Variants in IQSEC1 observed in about 807,000 individuals in gnomAD.
IQSEC1 encodes IQ motif and Sec7 domain ArfGEF 1, also known as IQ motif and SEC7 domain-containing protein 1.
Under a neutral mutation model 91.0 loss-of-function variants are expected in IQSEC1, and 31 were observed. That is an observed-to-expected ratio of 0.34 (90% confidence interval 0.26 to 0.46). IQSEC1 has a LOEUF of 0.46. Ranked by LOEUF, IQSEC1 falls within the 20% of genes least tolerant of loss-of-function variation. The probability of loss-of-function intolerance (pLI) is 1.00; values close to 1 mark genes in which losing one functional copy is unlikely to be tolerated. For missense variants in IQSEC1, 1,388 were observed against 1,575.6 expected (o/e 0.88, Z 2.02); for synonymous variants, 699 against 662.6 (o/e 1.05, Z -0.84).
intron 1 of IQSEC1, among the ~76,000 whole-genome samples, chr3:13,164,141 G>A (rs906590185): frequency 4.6e-5 from 7 of 152,174 alleles, no homozygotes; most frequent in Non-Finnish European, 7.3e-5. Context: ...GACCTGCAAC[G>A]AGAAGAGCAC....
intron 1 of IQSEC1, among the ~76,000 whole-genome samples, chr3:13,209,100 CT>C (rs1223594021): frequency 2.0e-5 from 3 of 152,218 alleles, no homozygotes; most frequent in Non-Finnish European, 4.4e-5. Flanking sequence ...GCTGTTGTCC[CT>C]TTGGCTGAGC....
At position 13,018,456 on chromosome 3, in the gene IQSEC1, G is replaced by T. The variant is rs996815257; in HGVS notation, c.23+54536C>A. 2.0e-5 allele frequency among the ~76,000 whole-genome samples: 3 copies of T among 152,234 alleles called. No homozygotes were observed. In the South Asian group the frequency reaches 6.2e-4, roughly 31 times the overall value. On this transcript the variant is annotated intron_variant, in intron 1 of 13. Coordinates refer to ENST00000613206, the MANE Select transcript of IQSEC1 (RefSeq NM_001134382.3). Reference sequence around the variant, plus strand: ...CCCTGGCCCACGAAGAGGCTCAAACGCCCCATTGGCTCTCAAGGCACAAAA... The same window carrying T: ...CCCTGGCCCACGAAGAGGCTCAAACTCCCCATTGGCTCTCAAGGCACAAAA...
At chr3:13,072,459 C>T (rs541811781) in intron 1 of IQSEC1, among the ~76,000 whole-genome samples, 4 of 152,350 alleles carry the variant, frequency 2.6e-5, no homozygotes, top group Non-Finnish European at 4.4e-5. Flanking sequence ...AGCACACAGC[C>T]GCTCTGCTGC....
At chr3:13,037,210 G>T (rs1443202181) in intron 1 of IQSEC1, among the ~76,000 whole-genome samples, 1 of 152,150 alleles carries the variant, frequency 6.6e-6, no homozygotes, top group African/African-American at 2.4e-5. Flanking sequence ...TGCTGGTAAG[G>T]CTACATACTG....
At chr3:13,129,017 C>T (rs1481351362) in intron 2 of IQSEC1, among the ~76,000 whole-genome samples, 2 of 151,738 alleles carry the variant, frequency 1.3e-5, no homozygotes, top group Non-Finnish European at 2.9e-5. Context: ...GGGAAATATT[C>T]TCTCCTTTTC....
intron 1 of IQSEC1, among the ~76,000 whole-genome samples, chr3:12,998,413 C>CTTA (rs910860323): frequency 6.6e-6 from 1 of 152,210 alleles, no homozygotes; most frequent in African/African-American, 2.4e-5. Context: ...TCTACATGGA[C>CTTA]TGATATGATA....
chr3:12,986,088 T>C (rs898050959), intron 1 of IQSEC1, among the ~76,000 whole-genome samples: 1 of 152,202 alleles, frequency 6.6e-6, no homozygotes, highest in African/African-American at 2.4e-5. Flanking sequence ...GAGATGCTAT[T>C]ACTGACATCT....
At chr3:13,215,123 C>T (rs1156650581) in intron 1 of IQSEC1, among the ~76,000 whole-genome samples, 2 of 152,068 alleles carry the variant, frequency 1.3e-5, no homozygotes, top group Non-Finnish European at 2.9e-5. Context: ...CTCTTTACCA[C>T]CAACCCCTCC....
chr3:13,057,644 T>C (rs1367089997), intron 1 of IQSEC1, among the ~76,000 whole-genome samples: 5 of 152,122 alleles, frequency 3.3e-5, no homozygotes, highest in African/African-American at 9.7e-5. Context: ...GGTCACACAA[T>C]GAGCAAGGAT....
At chr3:13,143,319 G>A (rs138138636) in intron 2 of IQSEC1, among the ~76,000 whole-genome samples, 132 of 152,294 alleles carry the variant, frequency 8.7e-4, no homozygotes, top group African/African-American at 2.4e-3. Flanking sequence ...CAGAAGTCCC[G>A]CTCCTTTCTG....
At chr3:13,223,284 C>G (rs1338532373) in intron 1 of IQSEC1, among the ~76,000 whole-genome samples, 1 of 152,218 alleles carries the variant, frequency 6.6e-6, no homozygotes, top group Non-Finnish European at 1.5e-5. Context: ...CATACAAACT[C>G]AGGTTTAGAC....
chr3:13,166,960 T>C (rs1311457221), intron 1 of IQSEC1, among the ~76,000 whole-genome samples: 1 of 152,116 alleles, frequency 6.6e-6, no homozygotes, highest in Non-Finnish European at 1.5e-5. Flanking sequence ...AGCAATAATG[T>C]GGGGAGAAAA....
chr3:13,159,169 C>A (rs902572255), intron 2 of IQSEC1, among the ~76,000 whole-genome samples: 2 of 152,098 alleles, frequency 1.3e-5, no homozygotes, highest in African/African-American at 2.4e-5. Flanking sequence ...AGTGACTCAC[C>A]CTGTAATCCC....
In IQSEC1 at chr3:13,099,234, G is replaced by A. The variant is rs184661266; in HGVS notation, c.303-51712C>T. Among the ~76,000 whole-genome samples the A allele has an allele frequency of 2.0e-5, 3 of 152,300 alleles. No individual in the cohort carries two copies. In the East Asian group the frequency reaches 5.8e-4, roughly 29 times the overall value. On this transcript the variant is annotated intron_variant, in intron 2 of 15. Coordinates refer to the IQSEC1 transcript ENST00000648114. ...GAGGAGAGGCAAGTGAGACCTTCAG[G>A]GAAGTTGAGGCCACAGTGAGGCACA...
intron 1 of IQSEC1, among the ~76,000 whole-genome samples, chr3:13,263,313 C>T (rs1252694386): frequency 1.3e-5 from 2 of 151,144 alleles, no homozygotes; most frequent in East Asian, 3.9e-4. Context: ...TTAAACTACA[C>T]ACTTAAAAAT....
chr3:12,973,467 G>C (rs2125552370), intron 1 of IQSEC1, among the ~76,000 whole-genome samples: 1 of 152,294 alleles, frequency 6.6e-6, no homozygotes, highest in Middle Eastern at 3.4e-3. Flanking sequence ...CTCGACGGTA[G>C]GGAACATTGC....
intron 2 of IQSEC1, among the ~76,000 whole-genome samples, chr3:13,114,452 T>C (rs776832470): frequency 1.2e-4 from 18 of 152,164 alleles, no homozygotes; most frequent in Non-Finnish European, 2.4e-4. Flanking sequence ...TAGGTATTTA[T>C]TGTGTTGTTA....
At chr3:13,130,504 A>G (rs994606879) in intron 2 of IQSEC1, among the ~76,000 whole-genome samples, 4 of 152,110 alleles carry the variant, frequency 2.6e-5, no homozygotes, top group Non-Finnish European at 5.9e-5. Flanking sequence ...ATCTTGGTAA[A>G]CTTTCCAGGT....
chr3:13,074,810 T>C (rs1705536837), upstream of IQSEC1, among the ~76,000 whole-genome samples: 1 of 144,964 alleles, frequency 6.9e-6, no homozygotes, highest in African/African-American at 2.5e-5. Flanking sequence ...ACTCACCGAA[T>C]TTAGAAGGAG....
Sources: gnomAD v4.1 joint callset for allele counts (sites outside exome capture counted in the v4.1 genomes callset) on GRCh38, gnomAD v4.1.1 for gene constraint, MANE v1.5 for transcripts, NCBI Gene and HGNC (gene_info 2026-07-23, HGNC 2026-07-21) for gene names.